CNEP1R1: variants seen among roughly 807,000 people sequenced by gnomAD.
The protein encoded by CNEP1R1 is nuclear envelope phosphatase-regulatory subunit 1.
In CNEP1R1, 10 loss-of-function variants were observed where a neutral mutation model predicts 22.7. The ratio of observed to expected loss-of-function variants is 0.44; its 90% CI spans 0.27 to 0.75. CNEP1R1 has a LOEUF of 0.75. Ranked by LOEUF, CNEP1R1 falls within the 30% of genes least tolerant of loss-of-function variation. The pLI, the probability that CNEP1R1 is intolerant of heterozygous loss-of-function variation, is 0.17. For missense variants in CNEP1R1, 73 were observed against 151.5 expected (o/e 0.48, Z 2.72); for synonymous variants, 53 against 50.1 (o/e 1.06, Z -0.25).
chr16:50,025,959 C>T (rs1163308514), intron 1 of CNEP1R1, among the ~76,000 whole-genome samples: 4 of 152,226 alleles, frequency 2.6e-5, no homozygotes, highest in Non-Finnish European at 1.5e-5. Flanking sequence ...AAACCGGAGG[C>T]GGGTAATTGC....
chr16:50,033,540 G>C, intron 4 of CNEP1R1, 34 bp downstream of exon 4: 1 of 1,187,702 alleles, frequency 8.4e-7, no homozygotes. Flanking sequence ...TCCATTCTCT[G>C]AAGTGCTTTG....
intron 3 of CNEP1R1, among the ~76,000 whole-genome samples, chr16:50,032,442 G>A (rs1263647538): frequency 6.6e-6 from 1 of 152,072 alleles, no homozygotes; most frequent in Non-Finnish European, 1.5e-5. Context: ...AGTTCTTTAT[G>A]GATAGCTACT....
chr16:50,035,396 T>C, intron 5 of CNEP1R1, 21 bp from the exon 6 acceptor site: 1 of 1,458,678 alleles, frequency 6.9e-7, no homozygotes, highest in East Asian at 2.3e-5. Flanking sequence ...TTGAAAAAAT[T>C]CTGTCTTTTC....
intron 1 of CNEP1R1, 120 bp downstream of exon 1, chr16:50,025,460 G>T: frequency 3.3e-6 from 4 of 1,226,508 alleles, no homozygotes; most frequent in Non-Finnish European, 4.4e-6. Flanking sequence ...GGAGCTAGGG[G>T]CCCGGAGCTT....
At chr16:50,025,833 C>G in intron 1 of CNEP1R1, 1 of 707,580 alleles carries the variant, frequency 1.4e-6, no homozygotes, top group Non-Finnish European at 2.5e-6. Context: ...CCACGAAGAT[C>G]ACCTGTACCC....
intron 1 of CNEP1R1, chr16:50,025,884 G>T: frequency 1.7e-6 from 1 of 597,380 alleles, no homozygotes. Flanking sequence ...ACACCCACTC[G>T]CTATCAGTGT....
Position 50,035,524 on chromosome 16 carries a change from C to T in CNEP1R1, c.*66C>T. On this transcript the variant is annotated 3_prime_UTR_variant, in exon 6 of 6. Transcript: ENST00000427478. ...TTCGAATAAGTGATACAGCAAAAAG[C>T]CATAAAGGATTCCTTTTGCGGTTGG... 8.3e-7 allele frequency: 1 copy of T among 1,208,514 alleles called. No homozygotes were observed. The highest frequency in any genetic ancestry group is 1.3e-5 in the South Asian group (1 of 74,494). The allele number at this position is 1,208,514 out of a possible 1,614,324, so 74.9% of individuals were successfully genotyped here.
At chr16:50,032,386 T>A (rs2036238228) in intron 3 of CNEP1R1, among the ~76,000 whole-genome samples, 1 of 152,248 alleles carries the variant, frequency 6.6e-6, no homozygotes, top group Admixed American at 6.5e-5. Context: ...TGCTATCATT[T>A]GATATGTCCA....
chr16:50,025,895 CAAG>C (rs891555914), intron 1 of CNEP1R1: 4 of 589,162 alleles, frequency 6.8e-6, no homozygotes, highest in African/African-American at 5.6e-5. Flanking sequence ...CTATCAGTGT[CAAG>C]AAGTCTAGTA....
Position 50,026,637 on chromosome 16 carries a change from A to G in CNEP1R1, c.97+170A>G, listed in dbSNP as rs551320062. 1.6e-5 allele frequency: 10 copies of G among 607,340 alleles called. No homozygotes were observed. The African/African-American group carries it at 1.7e-4, about 10-fold the overall frequency. 37.6% of individuals were successfully genotyped at this position (607,340 alleles called of 1,614,324 possible). ...GGAAATTATAACTGGCCTTCTCAAA[A>G]GAACAGTCTATTTCGTGTGGTTGTT... On this transcript the variant is annotated intron_variant, in intron 2 of 5. Coordinates refer to ENST00000427478, the MANE Select transcript of CNEP1R1 (RefSeq NM_001281789.2).
At chr16:50,030,420 C>T (rs1390047370) in intron 3 of CNEP1R1, among the ~76,000 whole-genome samples, 2 of 152,064 alleles carry the variant, frequency 1.3e-5, no homozygotes, top group East Asian at 1.9e-4. Context: ...TGTGACAGAG[C>T]TAGACCCTGT....
rs1221401550 is a variant in CNEP1R1, at chr16:50,026,800, C to A, written c.97+333C>A. On this transcript the variant is annotated intron_variant, in intron 2 of 5. Transcript: ENST00000427478. ...GACTAGCGTGGCCAACACGGTGAAACGCCGTCTCTACTAAAAATACGAAAT... is the reference window on the plus strand; with the variant it reads ...GACTAGCGTGGCCAACACGGTGAAAAGCCGTCTCTACTAAAAATACGAAAT... 5 of 206,402 alleles carry A rather than the reference C, an allele frequency of 2.4e-5. No individual in the cohort carries two copies. The East Asian group carries it at 4.5e-4, about 18-fold the overall frequency. The allele number at this position is 206,402 out of a possible 1,614,324, so 12.8% of individuals were successfully genotyped here.
chr16:50,033,001 GTC>G (rs2036244403), intron 3 of CNEP1R1, among the ~76,000 whole-genome samples: 1 of 148,714 alleles, frequency 6.7e-6, no homozygotes, highest in African/African-American at 2.5e-5. Flanking sequence ...GTGAAACTCT[GTC>G]TCAAAAAAAA....
chr16:50,034,449 A>T, intron 5 of CNEP1R1: 1 of 378,844 alleles, frequency 2.6e-6, no homozygotes, highest in South Asian at 2.8e-5. Flanking sequence ...AGTGAAGTAC[A>T]GTGGTTGTTT....
chr16:50,025,504 C>CGG, intron 1 of CNEP1R1, 164 bp downstream of exon 1: 1 of 1,080,692 alleles, frequency 9.3e-7, no homozygotes. Flanking sequence ...TGGCCAGACG[C>CGG]GGGGGGCGGT....
At chr16:50,026,551 ATGTT>A (rs2036185373) in intron 2 of CNEP1R1, 84 bp downstream of exon 2, 2 of 1,090,356 alleles carry the variant, frequency 1.8e-6, no homozygotes, top group South Asian at 1.4e-5. Context: ...TTTATGTAAA[ATGTT>A]TGTTTAAATT....
chr16:50,025,442 C>T, intron 1 of CNEP1R1, 102 bp downstream of exon 1: 2 of 1,276,096 alleles, frequency 1.6e-6, no homozygotes, highest in Non-Finnish European at 2.1e-6. Context: ...GAGGAGGCCG[C>T]AGAGGATGGA....
intron 2 of CNEP1R1, chr16:50,026,999 A>T (rs2036190255): frequency 6.6e-6 from 1 of 152,116 alleles, no homozygotes. Flanking sequence ...AAAATATTTA[A>T]ATTTTTGAAT....
intron 1 of CNEP1R1, chr16:50,025,612 C>T: frequency 2.6e-6 from 4 of 1,566,084 alleles, no homozygotes; most frequent in African/African-American, 1.3e-5. Context: ...GCACTTCGTG[C>T]ATTGCAGCCT....
Sources: gnomAD v4.1 joint callset for allele counts (sites outside exome capture counted in the v4.1 genomes callset) on GRCh38, gnomAD v4.1.1 for gene constraint, MANE v1.5 for transcripts, NCBI Gene and HGNC (gene_info 2026-07-23, HGNC 2026-07-21) for gene names.